The following DIP2C variants were observed in gnomAD, a reference collection of about 807,000 sequenced individuals.
The protein encoded by DIP2C is disco-interacting protein 2 homolog C.
DIP2C carries 33 observed loss-of-function variants against 192.4 expected under a neutral mutation model. That is an observed-to-expected ratio of 0.17 (90% CI 0.13 to 0.23). The LOEUF (loss-of-function observed/expected upper bound fraction) is 0.23, where lower values mean the gene tolerates loss of function less well. Ranked by LOEUF, DIP2C falls within the 10% of genes least tolerant of loss-of-function variation. The pLI, the probability that DIP2C is intolerant of heterozygous loss-of-function variation, is 1.00. For missense variants in DIP2C, 1,537 were observed against 2,110.1 expected (o/e 0.73, Z 5.32); for synonymous variants, 979 against 864.1 (o/e 1.13, Z -2.33).
intron 1 of DIP2C, chr10:669,118 C>CA (rs1857292698): frequency 6.6e-6 from 1 of 152,114 alleles, no homozygotes; most frequent in South Asian, 2.1e-4. Flanking sequence ...AGCCAGAATC[C>CA]AAGGAAAAAT....
chr10:365,386 T>A (rs879629169), intron 19 of DIP2C, among the ~76,000 whole-genome samples: 3 of 152,030 alleles, frequency 2.0e-5, no homozygotes, highest in East Asian at 1.9e-4. Context: ...ATTTTTTTTT[T>A]AATTATTCAG....
intron 3 of DIP2C, among the ~76,000 whole-genome samples, chr10:452,735 A>G (rs1968950934): frequency 1.3e-5 from 2 of 152,188 alleles, no homozygotes; most frequent in African/African-American, 2.4e-5. Context: ...TCCTGCAGAG[A>G]AAACACCACA....
At chr10:658,815 G>A (rs925834100) in intron 1 of DIP2C, among the ~76,000 whole-genome samples, 5 of 152,172 alleles carry the variant, frequency 3.3e-5, no homozygotes, top group Admixed American at 1.3e-4. Flanking sequence ...AGCATCAGGC[G>A]TGTTTACCTA....
At chr10:417,222 A>G (rs1047459375) in intron 6 of DIP2C, among the ~76,000 whole-genome samples, 6 of 152,086 alleles carry the variant, frequency 3.9e-5, no homozygotes, top group Non-Finnish European at 7.4e-5. Flanking sequence ...GGACCCCCGA[A>G]CTTCTAGCTC....
At chr10:348,902 G>T in intron 25 of DIP2C, 140 bp from the exon 26 acceptor site, 1 of 1,326,664 alleles carries the variant, frequency 7.5e-7, no homozygotes, top group South Asian at 1.4e-5. Context: ...CGTCATCCTG[G>T]CGGGTTTTGT....
intron 2 of DIP2C, among the ~76,000 whole-genome samples, chr10:477,654 AGAT>A (rs1304319819): frequency 7.1e-6 from 1 of 139,892 alleles, no homozygotes; most frequent in Non-Finnish European, 1.6e-5. Context: ...GAAGAAAAAT[AGAT>A]GAACAGGAAG....
rs1020538256 is a variant in DIP2C, at chr10:331,660, T to G, written c.3585-2059A>C. On this transcript the variant is annotated intron_variant, in intron 29 of 36. Coordinates refer to ENST00000280886, the MANE Select transcript of DIP2C (RefSeq NM_014974.3). ...GGTGATGTGCTCGTATGATGCCATT[T>G]TATATCAGGGACTTGAGCATCCTCG... 5.3e-5 allele frequency among the ~76,000 whole-genome samples: 8 copies of G among 152,226 alleles called. No homozygotes were observed. In the South Asian group the frequency reaches 1.7e-3, roughly 32 times the overall value.
chr10:390,058 C>A lies in DIP2C; in HGVS notation c.1530G>T (p.Val510=). 1 of 1,614,150 alleles carries A rather than the reference C, an allele frequency of 6.2e-7. No homozygotes were observed. Among genetic ancestry groups the A allele is most frequent in the South Asian group, 1.1e-5 (1 of 91,056 alleles). ...KTCKDGSVLG[V]TVTRTALLTH... is the part of the protein sequence containing the mutation. ...TCAGCAGCGCAGTCCTCGTCACCGTCACACCCAGCACACTGCCATCCTTAC... is the reference window on the plus strand; with the variant it reads ...TCAGCAGCGCAGTCCTCGTCACCGTAACACCCAGCACACTGCCATCCTTAC... The change falls in exon 13 of 37, where the codon GTG becomes GTT. Residue 510 remains valine, a synonymous_variant. Transcript: ENST00000280886.
intron 1 of DIP2C, among the ~76,000 whole-genome samples, chr10:641,180 G>A (rs1370250927): frequency 6.6e-6 from 1 of 151,504 alleles, no homozygotes; most frequent in Non-Finnish European, 1.5e-5. Context: ...AAGATCTCAA[G>A]GCAACACCTC....
intron 1 of DIP2C, among the ~76,000 whole-genome samples, chr10:532,051 G>A (rs1178989713): frequency 2.0e-5 from 3 of 152,148 alleles, no homozygotes; most frequent in Non-Finnish European, 4.4e-5. Flanking sequence ...CAAGTATGAC[G>A]AGTCCCCTTT....
At chr10:338,334 A>G (rs939445593) in intron 29 of DIP2C, among the ~76,000 whole-genome samples, 9 of 152,084 alleles carry the variant, frequency 5.9e-5, no homozygotes, top group African/African-American at 1.7e-4. Flanking sequence ...TCCTGGCCTC[A>G]CGTTCAGGTG....
At chr10:658,297 C>G (rs1856533726) in intron 1 of DIP2C, among the ~76,000 whole-genome samples, 1 of 151,240 alleles carries the variant, frequency 6.6e-6, no homozygotes, top group Non-Finnish European at 1.5e-5. Flanking sequence ...GGACCTGTCC[C>G]TGGACCTGCC....
chr10:346,541 T>C (rs1460140265), intron 26 of DIP2C, among the ~76,000 whole-genome samples: 4 of 86,320 alleles, frequency 4.6e-5, no homozygotes, highest in Non-Finnish European at 6.8e-5. Flanking sequence ...AACCCCACAC[T>C]CACCCAACCC....
chr10:483,822 A>G (rs541137962), intron 2 of DIP2C, among the ~76,000 whole-genome samples: 3 of 147,322 alleles, frequency 2.0e-5, no homozygotes, highest in East Asian at 2.0e-4. Flanking sequence ...CATTTTACCA[A>G]TTTTTTTTTT....
At chr10:508,676 C>T (rs747389720) in intron 1 of DIP2C, among the ~76,000 whole-genome samples, 18 of 152,224 alleles carry the variant, frequency 1.2e-4, no homozygotes, top group Middle Eastern at 3.4e-3. Flanking sequence ...GCTGGCCCCA[C>T]GTATTTTGGT....
intron 29 of DIP2C, among the ~76,000 whole-genome samples, chr10:334,956 C>A (rs1187749323): frequency 6.6e-6 from 1 of 152,022 alleles, no homozygotes; most frequent in Non-Finnish European, 1.5e-5. Flanking sequence ...CAATTTCTGC[C>A]CCAAAAAACC....
In DIP2C at chr10:324,970, T is replaced by C. The variant is rs558253671; in HGVS notation, c.3924+2036A>G. The C allele has an allele frequency of 7.3e-4, 390 of 532,544 alleles. 12 individuals are homozygous for C. The highest frequency in any genetic ancestry group is 5.4e-3 in the South Asian group (388 of 71,436). 33.0% of individuals were successfully genotyped at this position (532,544 alleles called of 1,614,324 possible). On this transcript the variant is annotated intron_variant, in intron 31 of 36. Coordinates refer to ENST00000280886, the MANE Select transcript of DIP2C (RefSeq NM_014974.3). The stretch of plus-strand genomic sequence containing the variant: ...GCGTACTCCTTCCTTGTAAACCATC[T>C]TAAAACATTTTGGGGCTGGGCGTGG...
At chr10:411,552 C>T (rs563637736) in intron 8 of DIP2C, among the ~76,000 whole-genome samples, 10 of 152,146 alleles carry the variant, frequency 6.6e-5, no homozygotes, top group Admixed American at 3.9e-4. Context: ...AACGGCAGGA[C>T]TTTAGAGAAT....
In DIP2C at chr10:288,216, T is replaced by C. The variant is rs937309514; in HGVS notation, c.4044+148A>G. 4 of 745,348 alleles carry C rather than the reference T, an allele frequency of 5.4e-6. No individual in the cohort carries two copies. The African/African-American group carries it at 5.4e-5, about 10-fold the overall frequency. 46.2% of individuals were successfully genotyped at this position (745,348 alleles called of 1,614,324 possible). A position where few individuals can be genotyped will look rare whatever the true frequency, so the allele number is the denominator to read the frequency against. ...GTCTAACTTGTTTAAAACACTGTTA[T>C]TTTGAGTTTCTATACTCACTGATAT... On this transcript the variant is annotated intron_variant, in intron 33 of 36. Coordinates refer to ENST00000280886, the MANE Select transcript of DIP2C (RefSeq NM_014974.3).
Sources: gnomAD v4.1 joint callset for allele counts (sites outside exome capture counted in the v4.1 genomes callset) on GRCh38, gnomAD v4.1.1 for gene constraint, MANE v1.5 for transcripts, NCBI Gene and HGNC (gene_info 2026-07-23, HGNC 2026-07-21) for gene names.